THEMIS2: variants seen among roughly 807,000 people sequenced by gnomAD.
THEMIS2 encodes the protein protein THEMIS2.
THEMIS2 carries 29 observed loss-of-function variants against 46.8 expected under a neutral mutation model. The ratio of observed to expected loss-of-function variants is 0.62; its 90% CI spans 0.46 to 0.84. The LOEUF is 0.84. Among genes scored for constraint, THEMIS2 ranks in the 40% least tolerant of loss-of-function variants. THEMIS2 has a pLI of 0.00. For synonymous variants in THEMIS2, 335 were observed against 349.1 expected, an observed-to-expected ratio of 0.96 and a Z score of 0.45; for missense variants, 698 against 834.7, an observed-to-expected ratio of 0.84 and a Z score of 2.02.
rs776304275 is a variant in THEMIS2, at chr1:27,881,974, G to A, written c.650G>A (p.Arg217His). The A allele has an allele frequency of 1.2e-5, 19 of 1,609,772 alleles. No homozygotes were observed. Among genetic ancestry groups the A allele is most frequent in the South Asian group, 4.4e-5 (4 of 90,332 alleles). Residue 217 changes from arginine to histidine, a missense_variant, in exon 4 of 6, where the codon CGC becomes CAC. Physicochemically the swap from Arg to His is conservative, Grantham distance 29. Coordinates refer to ENST00000373921, the MANE Select transcript of THEMIS2 (RefSeq NM_001105556.3). ...ACTGAGCTGCCCCTCTCCACAGTGC[G>A]CAGGACCATTGTCAAGATCCCTTCT... ...QYEIQAIMHM[R>H]RTIVKIPSTL...
At chr1:27,879,293 A>C (rs931796217) in intron 2 of THEMIS2, among the ~76,000 whole-genome samples, 1 of 152,078 alleles carries the variant, frequency 6.6e-6, no homozygotes, top group Admixed American at 6.6e-5. Context: ...ATCTGGAGGA[A>C]AGGCTAAGAT....
Position 27,872,804 on chromosome 1 carries a change from G to A in THEMIS2, c.94+139G>A. 1 of 690,562 alleles carries A rather than the reference G, an allele frequency of 1.4e-6. No individual in the cohort carries two copies. Among genetic ancestry groups the A allele is most frequent in the Non-Finnish European group, 2.1e-6 (1 of 484,552 alleles). 42.8% of individuals were successfully genotyped at this position (690,562 alleles called of 1,614,324 possible). On this transcript the variant is annotated intron_variant, in intron 1 of 5. Transcript: ENST00000373921. The surrounding 1 kb of genome is among the most constrained non-coding windows in gnomAD (Gnocchi z 4.9). ...TGCCACTGGCCAAGCTGTGTGATTT[G>A]GGGCCGCACTCAACCTCTTTGGACC...
In THEMIS2 at chr1:27,886,438, G is replaced by A. The variant is rs1379095282; in HGVS notation, c.*516G>A. 6.5e-6 allele frequency: 1 copy of A among 154,048 alleles called. No individual in the cohort carries two copies. Among genetic ancestry groups the A allele is most frequent in the Non-Finnish European group, 1.5e-5 (1 of 68,944 alleles). The allele number at this position is 154,048 out of a possible 1,614,324, so 9.5% of individuals were successfully genotyped here. On this transcript the variant is annotated 3_prime_UTR_variant, in exon 6 of 6. Transcript: ENST00000373921. ...ATGGTAAACAGGGGTTTAACCACATGTGGTTAACATGGATTAATGTGGGAA... is the reference window on the plus strand; with the variant it reads ...ATGGTAAACAGGGGTTTAACCACATATGGTTAACATGGATTAATGTGGGAA...
rs1224061168 is a variant in THEMIS2, at chr1:27,885,416, G to GC, written c.1843dup (p.His615ProfsTer5). On this transcript the variant is annotated frameshift_variant, in exon 5 of 6. Transcript: ENST00000373921. LOFTEE classifies it low-confidence loss of function (END_TRUNC). ...AGCAAGATTCCTGCCCACAGGAAGG[G>GC]CCACAGGCCCGCTAAGCCCCAAAGG... is the stretch of plus-strand genomic sequence containing the variant. 2.5e-6 allele frequency: 4 copies of GC among 1,613,982 alleles called. No individual in the cohort carries two copies. The African/African-American group carries it at 5.3e-5, about 22-fold the overall frequency.
In THEMIS2 at chr1:27,882,836, G is replaced by T; in HGVS notation, c.1512G>T (p.Trp504Cys). ...TGTGCTTTGAGATCCCTCCCCGGTG[G>T]CTGGACCTGACTGTTGTGAAGGCCA... Reference protein sequence around the residue: ...PGMCFEIPPRWLDLTVVKAKG... With the variant: ...PGMCFEIPPRCLDLTVVKAKG... Residue 504 changes from tryptophan to cysteine, a missense_variant, in exon 4 of 6, where the codon TGG (tryptophan) becomes TGT (cysteine). By Grantham distance (215) the Trp-to-Cys change is radical (BLOSUM62 -2). Coordinates refer to ENST00000373921, the MANE Select transcript of THEMIS2 (RefSeq NM_001105556.3). The surrounding 1 kb of genome is among the most constrained non-coding windows in gnomAD (Gnocchi z 7.6). 1 of 1,613,990 alleles carries T rather than the reference G, an allele frequency of 6.2e-7. No homozygotes were observed. Among genetic ancestry groups the T allele is most frequent in the Non-Finnish European group, 8.5e-7 (1 of 1,179,932 alleles).
rs541141786 is a variant in THEMIS2 at position 27,872,580 on chromosome 1, G to A, written c.9G>A (p.Pro3=). 3.4e-6 allele frequency: 5 copies of A among 1,488,156 alleles called. No individual in the cohort carries two copies. The highest frequency in any genetic ancestry group is 1.4e-5 in the African/African-American group (1 of 69,010). The allele number at this position is 1,488,156 out of a possible 1,614,324, so 92.2% of individuals were successfully genotyped here. The stretch of plus-strand genomic sequence containing the variant: ...AGAGAGCCGCGGGGACCATGGAGCC[G>A]GTGCCGCTGCAGGACTTCGTGCGCG... ME[P]VPLQDFVRAL... is the part of the protein sequence containing the mutation. Residue 3 remains proline, a synonymous_variant, in exon 1 of 6, where the codon CCG becomes CCA. Coordinates refer to ENST00000373921, the MANE Select transcript of THEMIS2 (RefSeq NM_001105556.3). The surrounding 1 kb of genome is among the most constrained non-coding windows in gnomAD (Gnocchi z 4.9).
At position 27,885,393 on chromosome 1, in the gene THEMIS2, C is replaced by A. The variant is rs1317589002; in HGVS notation, c.1818C>A (p.Ser606Arg). Residue 606 changes from serine (S) to arginine (R), a missense_variant, in exon 5 of 6, where the codon AGC (serine) becomes AGA (arginine). Transcript: ENST00000373921. ...TCAAGGATGGCTCCAGTACGTACAG[C>A]AAGATTCCTGCCCACAGGAAGGGCC... ...EFIKDGSSTY[S>R]KIPAHRKGHR... is the part of the protein sequence containing the mutation. The A allele has an allele frequency of 9.3e-6, 15 of 1,614,174 alleles. No individual in the cohort carries two copies. Among genetic ancestry groups the A allele is most frequent in the Non-Finnish European group, 1.3e-5 (15 of 1,180,028 alleles).
At chr1:27,874,969 C>A (rs1027440726) in intron 1 of THEMIS2, among the ~76,000 whole-genome samples, 1 of 150,208 alleles carries the variant, frequency 6.7e-6, no homozygotes, top group Non-Finnish European at 1.5e-5. Context: ...GAGGCTGTTT[C>A]TTTTTCTTCT....
chr1:27,876,794 G>C, intron 2 of THEMIS2, 66 bp downstream of exon 2: 2 of 1,570,092 alleles, frequency 1.3e-6, no homozygotes, highest in South Asian at 1.2e-5. Flanking sequence ...CAGGCTGCTC[G>C]TGGGCTTGCC....
intron 4 of THEMIS2, 150 bp downstream of exon 4, chr1:27,883,193 C>A (rs1435039340): frequency 2.8e-6 from 2 of 702,830 alleles, no homozygotes; most frequent in East Asian, 5.4e-5. Flanking sequence ...CATTCCACCT[C>A]ACAATTAATC....
chr1:27,878,972 G>C (rs2089631965), intron 2 of THEMIS2, among the ~76,000 whole-genome samples: 1 of 152,174 alleles, frequency 6.6e-6, no homozygotes, highest in African/African-American at 2.4e-5. Flanking sequence ...TACTTATGTA[G>C]AATATCCCTC....
chr1:27,883,135 G>C, intron 4 of THEMIS2, 92 bp downstream of exon 4: 1 of 1,114,884 alleles, frequency 9.0e-7, no homozygotes, highest in Non-Finnish European at 1.3e-6. Flanking sequence ...TCTTGCAACT[G>C]TGTAAACTTG....
chr1:27,886,253 A>G lies in THEMIS2; in HGVS notation c.*331A>G, dbSNP rs1216540489. 1 of 364,676 alleles carries G rather than the reference A, an allele frequency of 2.7e-6. No homozygotes were observed. Among genetic ancestry groups the G allele is most frequent in the South Asian group, 3.0e-5 (1 of 33,032 alleles). The allele number at this position is 364,676 out of a possible 1,614,324, so 22.6% of individuals were successfully genotyped here. ...TGGATGCAGAGGGGAATCCGAGGCC[A>G]TCAACCTTGGTGACAGCAGCGCAGT... On this transcript the variant is annotated 3_prime_UTR_variant, in exon 6 of 6. Transcript: ENST00000373921.
In THEMIS2 at chr1:27,876,697, C is replaced by G. The variant is rs756111207; in HGVS notation, c.204C>G (p.Ser68Arg). 2 of 1,613,954 alleles carry G rather than the reference C, an allele frequency of 1.2e-6. No homozygotes were observed. Among genetic ancestry groups the G allele is most frequent in the South Asian group, 2.2e-5 (2 of 91,044 alleles). The part of the protein sequence containing the change: ...QKVVCENPKT[S>R]QTMELAPNFQ... ...TGGTCTGTGAGAACCCGAAGACCAG[C>G]CAGACCATGGAGCTCGCCCCCAACT... The change falls in exon 2 of 6, where the codon AGC (serine) becomes AGG (arginine). Residue 68 changes from serine to arginine, a missense_variant. Coordinates refer to ENST00000373921, the MANE Select transcript of THEMIS2 (RefSeq NM_001105556.3).
In THEMIS2 at chr1:27,882,100, T is replaced by A. The variant is rs1006558460; in HGVS notation, c.776T>A (p.Phe259Tyr). The change falls in exon 4 of 6, where the codon TTC becomes TAC. Residue 259 changes from phenylalanine to tyrosine, a missense_variant. Transcript: ENST00000373921. This position sits in a 1 kb window ranked among gnomAD's most constrained non-coding sequence, Gnocchi z 7.6. The stretch of plus-strand genomic sequence containing the variant: ...GAGGTCCTGGCCTGGGAAGGCCCTT[T>A]CCCCCTGTCCATGGAGATCCTGGAG... ...LSEVLAWEGPFPLSMEILEVP... is the reference protein window; with the variant it reads ...LSEVLAWEGPYPLSMEILEVP... The A allele has an allele frequency of 1.2e-6, 2 of 1,614,150 alleles. No homozygotes were observed. Among genetic ancestry groups the A allele is most frequent in the Middle Eastern group, 1.6e-4 (1 of 6,062 alleles).
Position 27,885,338 on chromosome 1 carries a change from A to C in THEMIS2, c.1763A>C (p.Lys588Thr), listed in dbSNP as rs1168058300. ...LGLQQHARLP[K>T]PKAKTLPEFI... ...TTGCAGCAACACGCTCGGCTGCCCA[A>C]ACCCAAGGCGAAGACCTTGCCAGAG... Residue 588 changes from lysine (K) to threonine (T), a missense_variant, in exon 5 of 6, where the codon AAA (lysine) becomes ACA (threonine). Physicochemically the swap from Lys to Thr is moderately conservative, Grantham distance 78. Coordinates refer to ENST00000373921, the MANE Select transcript of THEMIS2 (RefSeq NM_001105556.3). 1 of 1,614,178 alleles carries C rather than the reference A, an allele frequency of 6.2e-7. No homozygotes were observed.
chr1:27,872,685 C>T lies in THEMIS2; in HGVS notation c.94+20C>T. ...TCGAGGGTGAGCGGGGGCTGGAACC[C>T]CTCCGAGCACTCCCTTGGTGTGGGG... On this transcript the variant is annotated intron_variant, in intron 1 of 5. Transcript: ENST00000373921. The surrounding 1 kb of genome is among the most constrained non-coding windows in gnomAD (Gnocchi z 4.9). 7.5e-7 allele frequency: 1 copy of T among 1,328,102 alleles called. No individual in the cohort carries two copies. Among genetic ancestry groups the T allele is most frequent in the South Asian group, 1.8e-5 (1 of 54,490 alleles). 82.3% of individuals were successfully genotyped at this position (1,328,102 alleles called of 1,614,324 possible). A position where few individuals can be genotyped will look rare whatever the true frequency, so the allele number is the denominator to read the frequency against.
intron 1 of THEMIS2, among the ~76,000 whole-genome samples, chr1:27,874,984 CTT>C (rs111822413): frequency 6.8e-6 from 1 of 145,992 alleles, no homozygotes; most frequent in African/African-American, 2.5e-5. Flanking sequence ...TCTTCTTCTT[CTT>C]TTTTTTTTTT....
intron 2 of THEMIS2, among the ~76,000 whole-genome samples, chr1:27,877,146 C>A (rs2148634088): frequency 6.6e-6 from 1 of 152,250 alleles, no homozygotes; most frequent in South Asian, 2.1e-4. Flanking sequence ...AGGAGGCCAA[C>A]AGTAAAAGGA....
Sources: gnomAD v4.1 joint callset for allele counts (sites outside exome capture counted in the v4.1 genomes callset) on GRCh38, gnomAD v4.1.1 for gene constraint, Gnocchi (gnomAD v3.1) non-coding constraint, MANE v1.5 for transcripts, NCBI Gene and HGNC (gene_info 2026-07-23, HGNC 2026-07-21) for gene names.